Variants in TIAM1 observed in about 807,000 individuals in gnomAD.
TIAM1 encodes rho guanine nucleotide exchange factor TIAM1.
Under a neutral mutation model 163.5 loss-of-function variants are expected in TIAM1, and 65 were observed. That is an observed-to-expected ratio of 0.40 (90% CI 0.33 to 0.49). TIAM1 has a LOEUF of 0.49. TIAM1 is among the 20% of genes least tolerant of loss of function. The pLI is 0.77. For missense variants in TIAM1, 1,789 were observed against 2,044.7 expected, an observed-to-expected ratio of 0.87 and a Z score of 2.41; for synonymous variants, 833 against 810.1, an observed-to-expected ratio of 1.03 and a Z score of -0.48.
At chr21:31,148,213 T>C (rs1417248423) in intron 19 of TIAM1, among the ~76,000 whole-genome samples, 3 of 152,032 alleles carry the variant, frequency 2.0e-5, no homozygotes, top group Non-Finnish European at 2.9e-5. Context: ...GAGCCTGATA[T>C]GGTTTGGCTG....
At chr21:31,536,567 G>C (rs148516875) in intron 1 of TIAM1, among the ~76,000 whole-genome samples, 8 of 152,318 alleles carry the variant, frequency 5.3e-5, no homozygotes, top group African/African-American at 1.9e-4. Flanking sequence ...TAAAAGTAAT[G>C]GCAAACATCA....
At chr21:31,331,011 C>G (rs1044933170) in intron 2 of TIAM1, among the ~76,000 whole-genome samples, 2 of 151,886 alleles carry the variant, frequency 1.3e-5, no homozygotes, top group African/African-American at 4.8e-5. Flanking sequence ...CGTGGAACTT[C>G]GCTGTAGATT....
chr21:31,332,368 C>A (rs1402306213), intron 2 of TIAM1, among the ~76,000 whole-genome samples: 1 of 152,112 alleles, frequency 6.6e-6, no homozygotes, highest in Non-Finnish European at 1.5e-5. Context: ...TTTCTATACA[C>A]TCAAGGAACC....
At chr21:31,522,569 G>GA (rs1183815954) in intron 1 of TIAM1, among the ~76,000 whole-genome samples, 6 of 151,932 alleles carry the variant, frequency 3.9e-5, no homozygotes, top group Admixed American at 6.6e-5. Flanking sequence ...TCCCCACCAT[G>GA]AAACTATTAA....
chr21:31,255,245 T>C (rs1012884573), intron 4 of TIAM1, among the ~76,000 whole-genome samples: 1 of 152,204 alleles, frequency 6.6e-6, no homozygotes, highest in Non-Finnish European at 1.5e-5. Flanking sequence ...CAACTCCACC[T>C]TGTCTCCTTA....
chr21:31,146,311 G>A (rs113875493), intron 20 of TIAM1, among the ~76,000 whole-genome samples: 6,829 of 149,798 alleles, frequency 0.046, 194 homozygotes, highest in Middle Eastern at 0.079. Context: ...GCAGGGGCCT[G>A]TAGTCCCAGC....
Position 31,182,582 on chromosome 21 carries a change from G to C in TIAM1, c.2726C>G (p.Ser909Cys), listed in dbSNP as rs1333925770. Residue 909 changes from serine to cysteine, a missense_variant, in exon 15 of 28, where the codon TCT (serine) becomes TGT (cysteine). Physicochemically the swap from Ser to Cys is moderately radical, Grantham distance 112. Coordinates refer to ENST00000541036, the MANE Select transcript of TIAM1 (RefSeq NM_001353694.2). ...NNRAADALNS[S>C]MLKDFLSQPS... ...CTGTGAGAGGAAATCTTTGAGCATA[G>C]AAGAGTTCAGGGCGTCAGCAGCACG... The C allele has an allele frequency of 1.2e-6, 2 of 1,613,998 alleles. No homozygotes were observed. The highest frequency in any genetic ancestry group is 1.1e-5 in the South Asian group (1 of 91,064).
intron 2 of TIAM1, among the ~76,000 whole-genome samples, chr21:31,290,311 A>G (rs2073969550): frequency 6.6e-6 from 1 of 151,976 alleles, no homozygotes; most frequent in South Asian, 2.1e-4. Flanking sequence ...AAAATCAGGA[A>G]AGGCAACTTG....
intron 2 of TIAM1, among the ~76,000 whole-genome samples, chr21:31,310,139 G>A (rs905848974): frequency 2.6e-5 from 4 of 152,218 alleles, no homozygotes; most frequent in African/African-American, 9.6e-5. Context: ...ACAGCTATGT[G>A]GGGGCCACAC....
rs893084745 is a variant in TIAM1, at chr21:31,205,485, C to T, written c.2389-2473G>A. Among the ~76,000 whole-genome samples, 3 of 152,322 alleles carry T rather than the reference C, an allele frequency of 2.0e-5. No individual in the cohort carries two copies. The East Asian group carries it at 5.8e-4, about 29-fold the overall frequency. On this transcript the variant is annotated intron_variant, in intron 11 of 27. Coordinates refer to ENST00000541036, the MANE Select transcript of TIAM1 (RefSeq NM_001353694.2). ...GTTCCTGAAACTTCAGTGTGAGAGA[C>T]AGCCCACTGTCAGGCACAAATAGCC...
chr21:31,147,079 CT>C, intron 19 of TIAM1, 76 bp from the exon 20 acceptor site: 1 of 1,249,374 alleles, frequency 8.0e-7, no homozygotes, highest in Non-Finnish European at 1.2e-6. Context: ...TGGCAGGGAG[CT>C]CACATCTGCC....
chr21:31,244,906 A>C (rs2071412288), intron 6 of TIAM1, among the ~76,000 whole-genome samples: 1 of 152,226 alleles, frequency 6.6e-6, no homozygotes, highest in African/African-American at 2.4e-5. Context: ...TTCCAAACTC[A>C]AAAGATTCCC....
rs2072741569 is a variant in TIAM1, at chr21:31,266,055, A to C, written c.918T>G (p.Ile306Met). The C allele has an allele frequency of 4.3e-6, 7 of 1,614,126 alleles. No individual in the cohort carries two copies. In the East Asian group the frequency reaches 1.6e-4, roughly 36 times the overall value. Reference sequence around the variant, plus strand: ...TGCCTTGCATGCTGTTGCTATGGCTAATTTGTGGGTTGGTGGCACCTTCAG... The same window carrying C: ...TGCCTTGCATGCTGTTGCTATGGCTCATTTGTGGGTTGGTGGCACCTTCAG... ...CLSEGATNPQ[I>M]SHSNSMQGRR... Residue 306 changes from isoleucine (I) to methionine (M), a missense_variant, in exon 4 of 28, where the codon ATT becomes ATG. Transcript: ENST00000541036.
chr21:31,124,421 G>C, intron 27 of TIAM1, 101 bp downstream of exon 27: 2 of 1,515,638 alleles, frequency 1.3e-6, no homozygotes, highest in Non-Finnish European at 1.8e-6. Context: ...GCCCCCACCA[G>C]GCCACACCTC....
chr21:31,372,186 A>G (rs490777), intron 2 of TIAM1, among the ~76,000 whole-genome samples: 21,829 of 152,050 alleles, frequency 0.14, 1,709 homozygotes, highest in Non-Finnish European at 0.18. Context: ...TTAAGTTAGC[A>G]ACTCTTTTCT....
intron 2 of TIAM1, among the ~76,000 whole-genome samples, chr21:31,397,447 A>C (rs908045500): frequency 3.3e-5 from 5 of 152,168 alleles, no homozygotes; most frequent in African/African-American, 1.2e-4. Context: ...TTCCTTTGAA[A>C]AAAATTCAGA....
intron 2 of TIAM1, among the ~76,000 whole-genome samples, chr21:31,442,551 T>C (rs2044475813): frequency 6.6e-6 from 1 of 152,182 alleles, no homozygotes. Context: ...CTTGCAATCT[T>C]GCAAAACTGG....
chr21:31,557,984 C>T (rs1316031485), intron 1 of TIAM1, among the ~76,000 whole-genome samples: 2 of 152,110 alleles, frequency 1.3e-5, no homozygotes, highest in Non-Finnish European at 2.9e-5. Flanking sequence ...GGCATCTTTC[C>T]CCTGCAGCAT....
At chr21:31,506,566 A>C (rs1467186465) in intron 1 of TIAM1, among the ~76,000 whole-genome samples, 1 of 152,160 alleles carries the variant, frequency 6.6e-6, no homozygotes, top group East Asian at 1.9e-4. Flanking sequence ...GTGTCTGGCT[A>C]ATTTTACTTA....
Sources: allele counts gnomAD v4.1 joint callset (sites outside exome capture counted in the v4.1 genomes callset), GRCh38; gene constraint gnomAD v4.1.1; transcripts MANE v1.5; gene names NCBI Gene and HGNC (gene_info 2026-07-23, HGNC 2026-07-21).